MAD1L1: variants seen among roughly 807,000 people sequenced by gnomAD.
The protein encoded by MAD1L1 is mitotic spindle assembly checkpoint protein MAD1.
MAD1L1 carries 95 observed loss-of-function variants against 96.9 expected under a neutral mutation model. The ratio of observed to expected loss-of-function variants is 0.98; its 90% CI spans 0.83 to 1.16. The LOEUF (loss-of-function observed/expected upper bound fraction) is 1.16. Among genes scored for constraint, MAD1L1 ranks in the 50% most tolerant of loss-of-function variants. MAD1L1 has a pLI of 0.00. For synonymous variants in MAD1L1, 473 were observed against 396.6 expected (o/e 1.19, Z -2.29); for missense variants, 1,007 against 954.4 (o/e 1.06, Z -0.73).
intron 18 of MAD1L1, among the ~76,000 whole-genome samples, chr7:1,875,356 A>G (rs1245062432): frequency 1.3e-5 from 2 of 152,086 alleles, no homozygotes; most frequent in African/African-American, 4.8e-5. Context: ...AACATCCCCC[A>G]ACTGGCTGAC....
chr7:2,180,898 C>T (rs1308954464), intron 10 of MAD1L1, among the ~76,000 whole-genome samples: 3 of 152,138 alleles, frequency 2.0e-5, no homozygotes, highest in Admixed American at 2.0e-4. Context: ...CCTCTCCTTG[C>T]ATAAACGTCC....
rs529950952 is a variant in MAD1L1 at position 1,847,681 on chromosome 7, C to G, written c.1999-31453G>C. On this transcript the variant is annotated intron_variant, in intron 18 of 18. Coordinates refer to ENST00000265854, the MANE Select transcript of MAD1L1 (RefSeq NM_001013836.2). ...ATCTCCCAAAGCCTGGACGCATACA[C>G]TGGGGAGACCTCAGCTCTGGGCAGG... 517 of 470,682 alleles carry G rather than the reference C, an allele frequency of 1.1e-3. 7 individuals carry two copies. The highest frequency in any genetic ancestry group is 9.9e-3 in the African/African-American group (497 of 50,224). 29.2% of individuals were successfully genotyped at this position (470,682 alleles called of 1,614,324 possible). A position where few individuals can be genotyped will look rare whatever the true frequency, so the allele number is the denominator to read the frequency against.
chr7:1,960,250 GA>G (rs55800455), intron 15 of MAD1L1, among the ~76,000 whole-genome samples: 9,157 of 128,694 alleles, frequency 0.071, 397 homozygotes, highest in Non-Finnish European at 0.11. Flanking sequence ...AAGGTAAAAA[GA>G]AAAAAAAAAA....
intron 10 of MAD1L1, among the ~76,000 whole-genome samples, chr7:2,170,769 C>A (rs1196372666): frequency 1.3e-5 from 2 of 152,024 alleles, no homozygotes; most frequent in Admixed American, 6.6e-5. Flanking sequence ...CCCAGGAAGG[C>A]AAGGAGAGGA....
intron 3 of MAD1L1, among the ~76,000 whole-genome samples, chr7:2,228,362 G>A (rs1221945254): frequency 1.3e-5 from 2 of 151,916 alleles, no homozygotes; most frequent in African/African-American, 2.4e-5. Context: ...AGGTTCAAGC[G>A]ATTCTCCTGC....
chr7:2,105,932 A>C (rs1339478406), intron 11 of MAD1L1, among the ~76,000 whole-genome samples: 1 of 151,870 alleles, frequency 6.6e-6, no homozygotes, highest in Non-Finnish European at 1.5e-5. Flanking sequence ...AGCCCTATCC[A>C]GCTGCGGCCC....
chr7:2,152,630 T>C (rs552214883), intron 10 of MAD1L1, among the ~76,000 whole-genome samples: 105 of 152,170 alleles, frequency 6.9e-4, no homozygotes, highest in African/African-American at 2.4e-3. Context: ...GATGGACCCA[T>C]GGGAGAAAAC....
At chr7:2,099,116 G>T (rs1344698174) in intron 11 of MAD1L1, among the ~76,000 whole-genome samples, 4 of 152,204 alleles carry the variant, frequency 2.6e-5, no homozygotes, top group Admixed American at 1.3e-4. Context: ...CTTCACTGAG[G>T]CTCCTAAGCG....
intron 12 of MAD1L1, among the ~76,000 whole-genome samples, chr7:2,018,249 G>A (rs1409407475): frequency 6.6e-6 from 1 of 152,232 alleles, no homozygotes; most frequent in Non-Finnish European, 1.5e-5. Flanking sequence ...CTCTGAGTGT[G>A]AGGACACTCA....
At chr7:2,030,644 C>T (rs1190104261) in intron 12 of MAD1L1, among the ~76,000 whole-genome samples, 1 of 152,210 alleles carries the variant, frequency 6.6e-6, no homozygotes, top group Non-Finnish European at 1.5e-5. Flanking sequence ...CCAAAACAAA[C>T]CAGACGCCGC....
chr7:1,886,021 G>A lies in MAD1L1; in HGVS notation c.1998+12179C>T, dbSNP rs901815922. On this transcript the variant is annotated intron_variant, in intron 18 of 18. Transcript: ENST00000265854. ...GTCCTACTGCCTCCACCCCACGACCGCCCCACCTGGGCCCTCACCAGCCCT... is the reference window on the plus strand; with the variant it reads ...GTCCTACTGCCTCCACCCCACGACCACCCCACCTGGGCCCTCACCAGCCCT... 3.3e-5 allele frequency among the ~76,000 whole-genome samples: 5 copies of A among 152,210 alleles called. No homozygotes were observed. The East Asian group carries it at 7.7e-4, about 23-fold the overall frequency.
chr7:2,079,870 A>T (rs1305276414), intron 11 of MAD1L1: 1 of 404,532 alleles, frequency 2.5e-6, no homozygotes, highest in Non-Finnish European at 5.0e-6. Context: ...CAACCGCCCC[A>T]TGCCCTCCAG....
intron 11 of MAD1L1, among the ~76,000 whole-genome samples, chr7:2,144,574 G>C (rs1789201318): frequency 6.6e-6 from 1 of 152,190 alleles, no homozygotes; most frequent in African/African-American, 2.4e-5. Context: ...CACGGGCTGG[G>C]CCACAGAGGA....
At chr7:2,062,558 AAG>A (rs1343054387) in intron 12 of MAD1L1, among the ~76,000 whole-genome samples, 4 of 152,170 alleles carry the variant, frequency 2.6e-5, no homozygotes, top group South Asian at 4.2e-4. Context: ...CTGGGCAACA[AAG>A]AGAGACTCTG....
At chr7:1,938,660 C>T (rs1434134123) in intron 16 of MAD1L1, among the ~76,000 whole-genome samples, 1 of 152,166 alleles carries the variant, frequency 6.6e-6, no homozygotes, top group Non-Finnish European at 1.5e-5. Flanking sequence ...TGTGAGCAGA[C>T]ACTTCCCAAA....
At chr7:2,164,185 T>C (rs1584463792) in intron 10 of MAD1L1, among the ~76,000 whole-genome samples, 1 of 152,198 alleles carries the variant, frequency 6.6e-6, no homozygotes, top group African/African-American at 2.4e-5. Context: ...GAAATAAATA[T>C]TTCTCTATCC....
At chr7:2,085,502 G>A (rs1022053071) in intron 11 of MAD1L1, among the ~76,000 whole-genome samples, 25 of 152,210 alleles carry the variant, frequency 1.6e-4, no homozygotes, top group African/African-American at 5.1e-4. Flanking sequence ...ATGAGGCCAC[G>A]GCAGTGTCTC....
chr7:1,918,831 C>T (rs886930499), intron 17 of MAD1L1, among the ~76,000 whole-genome samples: 4 of 152,366 alleles, frequency 2.6e-5, no homozygotes, highest in Non-Finnish European at 4.4e-5. Context: ...CTCCCGGCCC[C>T]AGGGCGACTG....
intron 18 of MAD1L1, among the ~76,000 whole-genome samples, chr7:1,817,240 G>T (rs1178074202): frequency 6.6e-6 from 1 of 152,104 alleles, no homozygotes; most frequent in African/African-American, 2.4e-5. Context: ...TGGCGGGAGC[G>T]TGTGTGGTGC....
Sources: gnomAD v4.1 joint callset for allele counts (sites outside exome capture counted in the v4.1 genomes callset) on GRCh38, gnomAD v4.1.1 for gene constraint, MANE v1.5 for transcripts, NCBI Gene and HGNC (gene_info 2026-07-23, HGNC 2026-07-21) for gene names.